Variants in NALF1 observed in about 807,000 individuals in gnomAD.
NALF1 encodes family with sequence similarity 155 member A.
Under a neutral mutation model 48.4 loss-of-function variants are expected in NALF1, and 3 were observed. That is an observed-to-expected ratio of 0.06 (90% CI 0.03 to 0.16). The LOEUF is 0.16. NALF1 is among the 10% of genes least tolerant of loss of function. The pLI, the probability that NALF1 is intolerant of heterozygous loss-of-function variation, is 1.00. For synonymous variants in NALF1, 262 were observed against 245.7 expected (o/e 1.07, Z -0.62); for missense variants, 526 against 571.5 (o/e 0.92, Z 0.81).
intron 1 of NALF1, among the ~76,000 whole-genome samples, chr13:107,399,751 T>C (rs1883772755): frequency 1.3e-5 from 2 of 152,174 alleles, no homozygotes; most frequent in Non-Finnish European, 2.9e-5. Flanking sequence ...ATTCCCAGCA[T>C]GGATTTCTGT....
intron 1 of NALF1, among the ~76,000 whole-genome samples, chr13:107,817,836 C>A (rs938322745): frequency 1.0e-4 from 12 of 117,826 alleles, no homozygotes; most frequent in Non-Finnish European, 1.9e-5. Flanking sequence ...CCATCCCTTG[C>A]AATCTGGCTT....
chr13:107,358,258 G>A (rs1158825681), intron 1 of NALF1, among the ~76,000 whole-genome samples: 1 of 151,818 alleles, frequency 6.6e-6, no homozygotes, highest in Non-Finnish European at 1.5e-5. Context: ...ACTGATTCTT[G>A]GTTTTATCAC....
chr13:107,228,001 T>C (rs1880140523), intron 1 of NALF1, among the ~76,000 whole-genome samples: 1 of 152,234 alleles, frequency 6.6e-6, no homozygotes, highest in African/African-American at 2.4e-5. Context: ...AATTAACTTA[T>C]TCATTCCACC....
In NALF1 at chr13:107,168,686, T is replaced by G. The variant is rs1424982756; in HGVS notation, c.*1811A>C. ...TTTTATTAAGCAATACCTTTATTAT[T>G]TTTGAATATTCTTAACAGACTGGAA... On this transcript the variant is annotated 3_prime_UTR_variant, in exon 3 of 3. Transcript: ENST00000375915. 6 of 152,644 alleles carry G rather than the reference T, an allele frequency of 3.9e-5. No individual in the cohort carries two copies. Among genetic ancestry groups the G allele is most frequent in the Non-Finnish European group, 8.8e-5 (6 of 68,040 alleles). The allele number at this position is 152,644 out of a possible 1,614,324, so 9.5% of individuals were successfully genotyped here.
intron 1 of NALF1, among the ~76,000 whole-genome samples, chr13:107,831,645 G>A (rs141285165): frequency 6.6e-6 from 1 of 152,322 alleles, no homozygotes; most frequent in Non-Finnish European, 1.5e-5. Context: ...GCACTTCTGA[G>A]AAAGGTGATT....
intron 1 of NALF1, among the ~76,000 whole-genome samples, chr13:107,772,303 A>T (rs1877603433): frequency 2.0e-5 from 3 of 152,056 alleles, no homozygotes; most frequent in Non-Finnish European, 4.4e-5. Flanking sequence ...AGATCCAAGA[A>T]CCTTCTCTTG....
chr13:107,303,788 A>G (rs564946587), intron 1 of NALF1, among the ~76,000 whole-genome samples: 3 of 152,306 alleles, frequency 2.0e-5, no homozygotes, highest in Admixed American at 2.0e-4. Flanking sequence ...CCACTCAAAA[A>G]TACAGTAGAT....
intron 1 of NALF1, among the ~76,000 whole-genome samples, chr13:107,584,823 C>T (rs1433619492): frequency 6.6e-6 from 1 of 152,148 alleles, no homozygotes; most frequent in East Asian, 1.9e-4. Context: ...CACTTTCCTC[C>T]CAACACAGTC....
intron 1 of NALF1, among the ~76,000 whole-genome samples, chr13:107,591,261 C>T (rs151058968): frequency 3.3e-5 from 5 of 152,022 alleles, no homozygotes; most frequent in East Asian, 3.9e-4. Flanking sequence ...TCTTCCCTCC[C>T]GCAGCTTTAG....
intron 1 of NALF1, among the ~76,000 whole-genome samples, chr13:107,567,147 C>A (rs1476879542): frequency 2.6e-5 from 4 of 152,066 alleles, no homozygotes; most frequent in South Asian, 4.2e-4. Flanking sequence ...TATGTGATAA[C>A]GTAGTTAAAA....
intron 1 of NALF1, among the ~76,000 whole-genome samples, chr13:107,475,462 G>T (rs1594083366): frequency 6.6e-6 from 1 of 152,270 alleles, no homozygotes. Context: ...AGCTTACTCA[G>T]TTTGATACTT....
intron 1 of NALF1, among the ~76,000 whole-genome samples, chr13:107,449,096 T>C (rs545430663): frequency 6.6e-6 from 1 of 152,136 alleles, no homozygotes; most frequent in African/African-American, 2.4e-5. Context: ...ATACAAAAAT[T>C]AGCTGGGCGT....
Position 107,271,774 on chromosome 13 carries a change from CTA to C in NALF1, c.916-61021_916-61020del, listed in dbSNP as rs397838456. ...TTCCTTCTCCTCTTTTGCTACTGGACTATATATATATATATATATATATATAT... is the reference window on the plus strand; with the variant it reads ...TTCCTTCTCCTCTTTTGCTACTGGACTATATATATATATATATATATATAT... On this transcript the variant is annotated intron_variant, in intron 1 of 2. Coordinates refer to ENST00000375915, the MANE Select transcript of NALF1 (RefSeq NM_001080396.3). 9.7e-3 allele frequency among the ~76,000 whole-genome samples: 269 copies of C among 27,594 alleles called. 2 individuals are homozygous for C. Among genetic ancestry groups the C allele is most frequent in the Middle Eastern group, 0.036 (2 of 56 alleles). The allele number at this position is 27,594 out of a possible 152,430, so 18.1% of individuals were successfully genotyped here.
At chr13:107,213,216 ATTTTT>A (rs538408078) in intron 1 of NALF1, among the ~76,000 whole-genome samples, 2 of 78,070 alleles carry the variant, frequency 2.6e-5, no homozygotes, top group Non-Finnish European at 4.9e-5. Context: ...TCCTTTGCAG[ATTTTT>A]TTTTAACTCA....
chr13:107,807,971 A>C lies in NALF1; in HGVS notation c.915+57711T>G, dbSNP rs115648057. Among the ~76,000 whole-genome samples, 892 of 152,226 alleles carry C rather than the reference A, an allele frequency of 5.9e-3. 7 individuals are homozygous for C. Among genetic ancestry groups the C allele is most frequent in the African/African-American group, 0.02 (843 of 41,536 alleles). On this transcript the variant is annotated intron_variant, in intron 1 of 2. Transcript: ENST00000375915. Reference sequence around the variant, plus strand: ...ATAAAAGAAAATTATATTTATTTGGAAATAGGCATTGCAATGGGAATATAT... The same window carrying C: ...ATAAAAGAAAATTATATTTATTTGGCAATAGGCATTGCAATGGGAATATAT...
At chr13:107,181,978 T>C (rs1879071773) in intron 2 of NALF1, among the ~76,000 whole-genome samples, 1 of 152,128 alleles carries the variant, frequency 6.6e-6, no homozygotes, top group African/African-American at 2.4e-5. Flanking sequence ...TTGTCCATTA[T>C]TTTAATTTTT....
intron 1 of NALF1, among the ~76,000 whole-genome samples, chr13:107,814,603 AATG>A (rs1457015875): frequency 6.6e-6 from 1 of 152,186 alleles, no homozygotes; most frequent in African/African-American, 2.4e-5. Context: ...GATACTTTAT[AATG>A]ATAAAAGGGT....
chr13:107,287,866 C>T (rs1341235827), intron 1 of NALF1, among the ~76,000 whole-genome samples: 1 of 151,610 alleles, frequency 6.6e-6, no homozygotes. Flanking sequence ...CCACCACACC[C>T]GGCTAATTTT....
chr13:107,333,813 GT>G (rs1253617136), intron 1 of NALF1, among the ~76,000 whole-genome samples: 1 of 152,192 alleles, frequency 6.6e-6, no homozygotes, highest in African/African-American at 2.4e-5. Flanking sequence ...GATAGAGAAT[GT>G]TTTCAATTTG....
Sources: gnomAD v4.1 joint callset for allele counts (sites outside exome capture counted in the v4.1 genomes callset) on GRCh38, gnomAD v4.1.1 for gene constraint, MANE v1.5 for transcripts, NCBI Gene and HGNC (gene_info 2026-07-23, HGNC 2026-07-21) for gene names.